LARP1B: variants seen among roughly 807,000 people sequenced by gnomAD.
LARP1B encodes La ribonucleoprotein 1B.
In LARP1B, 76 loss-of-function variants were observed where a neutral mutation model predicts 114.2. That is an observed-to-expected ratio of 0.67 (90% CI 0.55 to 0.81). The LOEUF is 0.81. Ranked by LOEUF, LARP1B falls within the 30% of genes least tolerant of loss-of-function variation. LARP1B has a pLI of 0.00. For missense variants in LARP1B, 1,014 were observed against 1,075.8 expected, an observed-to-expected ratio of 0.94 and a Z score of 0.80; for synonymous variants, 345 against 348.0, an observed-to-expected ratio of 0.99 and a Z score of 0.10.
chr4:128,206,350 G>T lies in LARP1B; in HGVS notation c.2310-78G>T, dbSNP rs949231197. On this transcript the variant is annotated intron_variant, in intron 17 of 19. Transcript: ENST00000326639. ...TTATTTTTTGTTTAGGATTAGTTGT[G>T]CCATGTTTGCTTATATTGATGTTAC... The T allele has an allele frequency of 3.2e-5, 24 of 757,782 alleles. No homozygotes were observed. In the Admixed American group the frequency reaches 6.7e-4, roughly 21 times the overall value. 46.9% of individuals were successfully genotyped at this position (757,782 alleles called of 1,614,324 possible).
At chr4:128,061,637 A>T (rs892332217) in intron 1 of LARP1B, 7 of 968,988 alleles carry the variant, frequency 7.2e-6, no homozygotes, top group African/African-American at 3.5e-5. Flanking sequence ...AGAGACGGGC[A>T]GTCGGGTTCC....
At chr4:128,104,836 A>G (rs1307473839) in intron 8 of LARP1B, among the ~76,000 whole-genome samples, 1 of 152,162 alleles carries the variant, frequency 6.6e-6, no homozygotes, top group Non-Finnish European at 1.5e-5. Context: ...TGTCATAGAT[A>G]TTTCTGGGTG....
At chr4:128,167,522 G>C (rs561567677) in intron 12 of LARP1B, among the ~76,000 whole-genome samples, 14 of 152,082 alleles carry the variant, frequency 9.2e-5, no homozygotes, top group African/African-American at 3.4e-4. Context: ...TAGGTTGTCT[G>C]TTCACTCTGT....
At chr4:128,114,543 A>T (rs747288970) in intron 9 of LARP1B, 27 bp from the exon 10 acceptor site, 1 of 1,523,878 alleles carries the variant, frequency 6.6e-7, no homozygotes, top group East Asian at 2.3e-5. Flanking sequence ...TTATCATTTT[A>T]ACTATAGAAC....
chr4:128,101,197 G>A (rs1486902964), intron 8 of LARP1B, among the ~76,000 whole-genome samples: 7 of 151,742 alleles, frequency 4.6e-5, no homozygotes, highest in Admixed American at 2.6e-4. Context: ...TACAGGGCTG[G>A]GCGCGGTGGC....
intron 11 of LARP1B, among the ~76,000 whole-genome samples, chr4:128,137,696 C>T (rs934999344): frequency 2.0e-5 from 3 of 150,826 alleles, no homozygotes; most frequent in Non-Finnish European, 4.4e-5. Flanking sequence ...AAACATTTAT[C>T]ATTTCTTTGT....
chr4:128,189,654 GT>G (rs1240617605), intron 15 of LARP1B, among the ~76,000 whole-genome samples: 1 of 152,030 alleles, frequency 6.6e-6, no homozygotes, highest in East Asian at 1.9e-4. Flanking sequence ...CTGGGAGTAT[GT>G]TTTAATTCAT....
chr4:128,178,830 A>T lies in LARP1B; in HGVS notation c.1896+188A>T, dbSNP rs1292227931. Among the ~76,000 whole-genome samples the T allele has an allele frequency of 3.3e-5, 5 of 152,270 alleles. No individual in the cohort carries two copies. In the East Asian group the frequency reaches 9.6e-4, roughly 29 times the overall value. ...ATTTTTCGGTTGGGCACGGTGGTTT[A>T]TGCCTGTAATCCAACACTTTGGGAG... On this transcript the variant is annotated intron_variant, in intron 14 of 19. Transcript: ENST00000326639.
rs1401747334 is a variant in LARP1B, at chr4:128,121,760, T to G, written c.1162-66T>G. 10 of 1,189,916 alleles carry G rather than the reference T, an allele frequency of 8.4e-6. No individual in the cohort carries two copies. In the East Asian group the frequency reaches 2.1e-4, roughly 25 times the overall value. 73.7% of individuals were successfully genotyped at this position (1,189,916 alleles called of 1,614,324 possible). On this transcript the variant is annotated intron_variant, in intron 10 of 19. Coordinates refer to ENST00000326639, the MANE Select transcript of LARP1B (RefSeq NM_018078.4). ...TTGATATTACTTACTTGTAACACTGTTTTATGACATTTAATTTAAAAATGA... is the reference window on the plus strand; with the variant it reads ...TTGATATTACTTACTTGTAACACTGGTTTATGACATTTAATTTAAAAATGA...
intron 5 of LARP1B, among the ~76,000 whole-genome samples, chr4:128,083,219 T>C (rs1434210895): frequency 6.6e-6 from 1 of 152,172 alleles, no homozygotes; most frequent in Non-Finnish European, 1.5e-5. Context: ...TCTACTACTT[T>C]CCACACAGAC....
chr4:128,155,473 C>T (rs977228590), intron 11 of LARP1B: 2 of 772,934 alleles, frequency 2.6e-6, no homozygotes, highest in Non-Finnish European at 4.7e-6. Flanking sequence ...GGCCGCAGTG[C>T]AGGCAGCCCA....
At chr4:128,081,410 A>G (rs1456361176) in intron 4 of LARP1B, among the ~76,000 whole-genome samples, 1 of 128,514 alleles carries the variant, frequency 7.8e-6, no homozygotes, top group Non-Finnish European at 1.6e-5. Flanking sequence ...AGATATAGAT[A>G]TTGGACTGTT....
At chr4:128,128,326 G>A (rs1050758184) in intron 11 of LARP1B, among the ~76,000 whole-genome samples, 2 of 152,138 alleles carry the variant, frequency 1.3e-5, no homozygotes, top group African/African-American at 4.8e-5. Flanking sequence ...TACAGAAAGT[G>A]AAAAGCCAGT....
Position 128,207,244 on chromosome 4 carries a change from C to T in LARP1B, c.2420-12C>T. The stretch of plus-strand genomic sequence containing the variant: ...CATATAATTCATAATGTATATTATT[C>T]TTTGTTATTAGGTCAGCTGTATGGA... On this transcript the variant is annotated splice_polypyrimidine_tract_variant and intron_variant, in intron 18 of 19. Coordinates refer to ENST00000326639, the MANE Select transcript of LARP1B (RefSeq NM_018078.4). 2 of 1,265,824 alleles carry T rather than the reference C, an allele frequency of 1.6e-6. No homozygotes were observed. The highest frequency in any genetic ancestry group is 2.7e-5 in the Admixed American group (1 of 36,932). 78.4% of individuals were successfully genotyped at this position (1,265,824 alleles called of 1,614,324 possible).
At position 128,108,372 on chromosome 4, in the gene LARP1B, G is replaced by A. The variant is rs927854862; in HGVS notation, c.988+1059G>A. The A allele has an allele frequency of 4.0e-6, 4 of 988,790 alleles. No homozygotes were observed. In the Admixed American group the frequency reaches 2.4e-4, roughly 60 times the overall value. The allele number at this position is 988,790 out of a possible 1,614,324, so 61.3% of individuals were successfully genotyped here. On this transcript the variant is annotated intron_variant, in intron 9 of 19. Transcript: ENST00000326639. Reference sequence around the variant, plus strand: ...AGTGTAGTGTACATTGTAAAACTCAGATATTGTCATGATGTTTCACTTGGA... The same window carrying A: ...AGTGTAGTGTACATTGTAAAACTCAAATATTGTCATGATGTTTCACTTGGA...
At chr4:128,073,418 C>CAAAAAAAAA (rs776553862) in intron 1 of LARP1B, among the ~76,000 whole-genome samples, 1 of 42,910 alleles carries the variant, frequency 2.3e-5, no homozygotes, top group African/African-American at 1.1e-4. Flanking sequence ...GATTCCGTCT[C>CAAAAAAAAA]AAAAAAAAAA....
In LARP1B at chr4:128,211,631, T is replaced by C. The variant is rs1047119664; in HGVS notation, c.*1578T>C. 1 of 981,002 alleles carries C rather than the reference T, an allele frequency of 1.0e-6. No homozygotes were observed. The highest frequency in any genetic ancestry group is 1.2e-6 in the Non-Finnish European group (1 of 826,040). The allele number at this position is 981,002 out of a possible 1,614,324, so 60.8% of individuals were successfully genotyped here. A position where few individuals can be genotyped will look rare whatever the true frequency, so the allele number is the denominator to read the frequency against. On this transcript the variant is annotated 3_prime_UTR_variant, in exon 20 of 20. Transcript: ENST00000326639. ...GAATAATAGATCTTCAAGTCTTTTC[T>C]TAAATGGGGTATGTAGTTCCAGCTT...
intron 7 of LARP1B, among the ~76,000 whole-genome samples, chr4:128,222,136 G>A (rs2150989121): frequency 6.6e-6 from 1 of 152,236 alleles, no homozygotes; most frequent in Admixed American, 6.5e-5. Context: ...TCCTAACATA[G>A]TGGTTTATGA....
At chr4:128,095,816 C>A (rs1458736734) in intron 7 of LARP1B, among the ~76,000 whole-genome samples, 2 of 151,844 alleles carry the variant, frequency 1.3e-5, no homozygotes, top group African/African-American at 4.8e-5. Context: ...AACTTGTATT[C>A]CATGTTTGAA....
Sources: gnomAD v4.1 joint callset for allele counts (sites outside exome capture counted in the v4.1 genomes callset) on GRCh38, gnomAD v4.1.1 for gene constraint, MANE v1.5 for transcripts, NCBI Gene and HGNC (gene_info 2026-07-23, HGNC 2026-07-21) for gene names.